HHLA1: variants seen among roughly 807,000 people sequenced by gnomAD.
HHLA1 encodes HHLA1 neighbor of OC90, also known as HERV-H LTR-associating protein 1.
Under a neutral mutation model 69.9 loss-of-function variants are expected in HHLA1, and 72 were observed. The ratio of observed to expected loss-of-function variants is 1.03; its 90% CI spans 0.85 to 1.25. The LOEUF (loss-of-function observed/expected upper bound fraction) is 1.25, where lower values mean the gene tolerates loss of function less well. Ranked by LOEUF, HHLA1 falls within the 50% of genes most tolerant of loss-of-function variation. HHLA1 has a pLI of 0.00. For missense variants in HHLA1, 685 were observed against 642.2 expected (o/e 1.07, Z -0.72); for synonymous variants, 252 against 233.2 (o/e 1.08, Z -0.73).
At chr8:132,070,571 C>T (rs1823515823) in intron 15 of HHLA1, among the ~76,000 whole-genome samples, 1 of 152,120 alleles carries the variant, frequency 6.6e-6, no homozygotes, top group Non-Finnish European at 1.5e-5. Context: ...CTAAACTCAA[C>T]ACAATTCAAC....
intron 3 of HHLA1, among the ~76,000 whole-genome samples, chr8:132,103,647 A>G (rs1441107950): frequency 6.6e-6 from 1 of 152,050 alleles, no homozygotes; most frequent in African/African-American, 2.4e-5. Flanking sequence ...ATAAATAAGT[A>G]TAAAAAGTAA....
chr8:132,080,661 G>A (rs1823736004), intron 10 of HHLA1: 1 of 153,472 alleles, frequency 6.5e-6, no homozygotes, highest in Admixed American at 6.5e-5. Flanking sequence ...GGGTTGCGAT[G>A]GCTTGGCTTG....
At chr8:132,108,381 T>C (rs1308706625) in intron 1 of HHLA1, among the ~76,000 whole-genome samples, 1 of 152,202 alleles carries the variant, frequency 6.6e-6, no homozygotes, top group Non-Finnish European at 1.5e-5. Context: ...GCAAGACAGA[T>C]AATGTTCTTC....
At chr8:132,075,339 G>A (rs1422914474) in intron 14 of HHLA1, among the ~76,000 whole-genome samples, 5 of 152,180 alleles carry the variant, frequency 3.3e-5, no homozygotes, top group Admixed American at 6.5e-5. Context: ...CAGCTTTGAA[G>A]CACTCACTTT....
intron 7 of HHLA1, among the ~76,000 whole-genome samples, chr8:132,092,861 T>TA (rs1190443822): frequency 6.6e-6 from 1 of 152,154 alleles, no homozygotes; most frequent in African/African-American, 2.4e-5. Flanking sequence ...CAACCTACCT[T>TA]AGGCTATGAG....
In HHLA1 at chr8:132,084,799, T is replaced by C. The variant is rs373192723; in HGVS notation, c.676+2854A>G. ...TGGTGGTTCTTGCCCTCCAGAAAAG[T>C]AGAGAAGGGGTTGGGGCACAGAAAT... On this transcript the variant is annotated intron_variant, in intron 10 of 16. Transcript: ENST00000414222. Among the ~76,000 whole-genome samples, 863 of 143,218 alleles carry C rather than the reference T, an allele frequency of 6.0e-3. 8 individuals are homozygous for C. The highest frequency in any genetic ancestry group is 0.022 in the African/African-American group (833 of 38,038). 94.0% of individuals were successfully genotyped at this position (143,218 alleles called of 152,430 possible). A position where few individuals can be genotyped will look rare whatever the true frequency, so the allele number is the denominator to read the frequency against.
intron 10 of HHLA1, chr8:132,080,741 G>A (rs1823736903): frequency 6.6e-6 from 1 of 152,376 alleles, no homozygotes; most frequent in Non-Finnish European, 1.5e-5. Context: ...AAGTGTTGGG[G>A]TGGCGAAAAT....
chr8:132,079,455 T>G (rs1823702153), intron 11 of HHLA1, among the ~76,000 whole-genome samples: 1 of 152,224 alleles, frequency 6.6e-6, no homozygotes, highest in Non-Finnish European at 1.5e-5. Flanking sequence ...TTTTTGCAAG[T>G]CTTCGTGAGT....
Position 132,077,908 on chromosome 8 carries a change from G to T in HHLA1, c.989C>A (p.Ser330Ter), listed in dbSNP as rs369879360. ...TADRQTWASI[S>*]SVPWAQTISE... Reference sequence around the variant, plus strand: ...GATGGTCTGAGCCCAGGGCACGGACGATATGGAAGCCCACGTCTGTCTGTC... The same window carrying T: ...GATGGTCTGAGCCCAGGGCACGGACTATATGGAAGCCCACGTCTGTCTGTC... Residue 330 changes from serine (S) to a stop codon, truncating the protein, a stop_gained, in exon 12 of 17, where the codon TCG becomes TAG. Transcript: ENST00000414222. LOFTEE classifies it high-confidence loss of function. The T allele has an allele frequency of 1.2e-4, 191 of 1,551,402 alleles. 2 individuals carry two copies. Among genetic ancestry groups the T allele is most frequent in the South Asian group, 4.2e-4 (35 of 84,062 alleles).
In HHLA1 at chr8:132,095,783, C is replaced by T. The variant is rs1195189779; in HGVS notation, c.284G>A (p.Ser95Asn). The change falls in exon 6 of 17, where the codon AGC (serine) becomes AAC (asparagine). Residue 95 changes from serine (S) to asparagine (N), a missense_variant. Ser to Asn is a conservative substitution (Grantham distance 46, BLOSUM62 1). Coordinates refer to ENST00000414222, the MANE Select transcript of HHLA1 (RefSeq NM_001145095.3). ...ACTCAGCAAGGAGAAGAACTTCTTG[C>T]TATCTGCCAAAACATACCAGATAAA... ...NGMLSRALKD[S>N]KKFFSLLSVT... The T allele has an allele frequency of 2.6e-6, 4 of 1,548,928 alleles. No homozygotes were observed. The highest frequency in any genetic ancestry group is 3.5e-6 in the Non-Finnish European group (4 of 1,145,488).
At chr8:132,088,864 G>C (rs1231696834) in intron 8 of HHLA1, among the ~76,000 whole-genome samples, 1 of 152,156 alleles carries the variant, frequency 6.6e-6, no homozygotes, top group Non-Finnish European at 1.5e-5. Flanking sequence ...GATCCAATGA[G>C]AGAATACATG....
chr8:132,100,670 A>G (rs62521339), intron 3 of HHLA1, among the ~76,000 whole-genome samples: 17,726 of 152,232 alleles, frequency 0.12, 1,389 homozygotes, highest in Middle Eastern at 0.27. Flanking sequence ...AGGCAATGTG[A>G]ACTGGTAAAG....
At chr8:132,080,169 A>G (rs1425062922) in intron 10 of HHLA1, 2 of 721,566 alleles carry the variant, frequency 2.8e-6, no homozygotes, top group Non-Finnish European at 4.9e-6. Context: ...CAGCCTCTCC[A>G]GGACTCTGGT....
Position 132,088,043 on chromosome 8 carries a change from C to T in HHLA1, c.533-142G>A, listed in dbSNP as rs185031977. On this transcript the variant is annotated intron_variant, in intron 8 of 16. Coordinates refer to ENST00000414222, the MANE Select transcript of HHLA1 (RefSeq NM_001145095.3). Reference sequence around the variant, plus strand: ...CCTGACTCTTTACTCTTAAGGCAGTCCTCATTTTCCAATTTCTTTATTTTA... The same window carrying T: ...CCTGACTCTTTACTCTTAAGGCAGTTCTCATTTTCCAATTTCTTTATTTTA... 9.6e-4 allele frequency: 640 copies of T among 668,770 alleles called. 1 individual carries two copies. Among genetic ancestry groups the T allele is most frequent in the Non-Finnish European group, 1.5e-3 (587 of 388,420 alleles). The allele number at this position is 668,770 out of a possible 1,614,324, so 41.4% of individuals were successfully genotyped here. A position where few individuals can be genotyped will look rare whatever the true frequency, so the allele number is the denominator to read the frequency against.
At chr8:132,068,972 G>A (rs1586722965) in intron 15 of HHLA1, among the ~76,000 whole-genome samples, 1 of 152,216 alleles carries the variant, frequency 6.6e-6, no homozygotes, top group Non-Finnish European at 1.5e-5. Context: ...AATTCTGTAT[G>A]TTTTATTTAT....
intron 4 of HHLA1, among the ~76,000 whole-genome samples, 185 bp downstream of exon 4, chr8:132,099,890 G>T (rs184106605): frequency 6.6e-6 from 1 of 152,092 alleles, no homozygotes; most frequent in African/African-American, 2.4e-5. Flanking sequence ...CAGTTGACAA[G>T]ATGGAAATAG....
intron 13 of HHLA1, 53 bp downstream of exon 13, chr8:132,076,422 C>CA: frequency 3.0e-6 from 2 of 664,352 alleles, no homozygotes; most frequent in Admixed American, 2.4e-5. Context: ...CCAAGCTTCC[C>CA]ACCCCTCCCA....
intron 10 of HHLA1, 129 bp from the exon 11 acceptor site, chr8:132,080,095 C>A (rs1046135859): frequency 1.6e-6 from 2 of 1,270,124 alleles, no homozygotes; most frequent in South Asian, 1.3e-5. Flanking sequence ...AAGTATCAGG[C>A]ATTTGCTATG....
In HHLA1 at chr8:132,089,616, G is replaced by A. The variant is rs1823914905; in HGVS notation, c.449-17C>T. The A allele has an allele frequency of 2.4e-6, 3 of 1,252,350 alleles. No homozygotes were observed. The South Asian group carries it at 3.9e-5, about 16-fold the overall frequency. The allele number at this position is 1,252,350 out of a possible 1,614,324, so 77.6% of individuals were successfully genotyped here. A position where few individuals can be genotyped will look rare whatever the true frequency, so the allele number is the denominator to read the frequency against. On this transcript the variant is annotated splice_polypyrimidine_tract_variant and intron_variant, in intron 7 of 16. Transcript: ENST00000414222. ...CTGTAAAATCTGCAAGACAAATTTAGGAGGTTTAAATTTCTGCTTCAGAGA... is the reference window on the plus strand; with the variant it reads ...CTGTAAAATCTGCAAGACAAATTTAAGAGGTTTAAATTTCTGCTTCAGAGA...
Sources: gnomAD v4.1 joint callset for allele counts (sites outside exome capture counted in the v4.1 genomes callset) on GRCh38, gnomAD v4.1.1 for gene constraint, MANE v1.5 for transcripts, NCBI Gene and HGNC (gene_info 2026-07-23, HGNC 2026-07-21) for gene names.